SLC14A2: variants seen among roughly 807,000 people sequenced by gnomAD.
SLC14A2 encodes the protein urea transporter 2.
In SLC14A2, 91 loss-of-function variants were observed where a neutral mutation model predicts 104.6. The observed-to-expected ratio is 0.87, with a 90% CI of 0.73 to 1.04. The LOEUF (loss-of-function observed/expected upper bound fraction) is 1.04. Among genes scored for constraint, SLC14A2 ranks in the 50% least tolerant of loss-of-function variants. SLC14A2 has a pLI of 0.00. For missense variants in SLC14A2, 1,189 were observed against 1,156.0 expected (o/e 1.03, Z -0.41); for synonymous variants, 476 against 466.4 (o/e 1.02, Z -0.27).
chr18:45,305,417 G>A (rs1283448058), intron 1 of SLC14A2, among the ~76,000 whole-genome samples: 2 of 152,184 alleles, frequency 1.3e-5, no homozygotes, highest in Non-Finnish European at 2.9e-5. Flanking sequence ...CACTTAGAGT[G>A]GGACTCTACT....
chr18:45,207,961 T>G, the SLC14A2 span, among the ~76,000 whole-genome samples: 1 of 152,174 alleles, frequency 6.6e-6, no homozygotes, highest in Admixed American at 6.5e-5. Context: ...CTGATGGAAC[T>G]GCTACTCAGG....
At chr18:45,456,134 G>C (rs1456334586) in intron 1 of SLC14A2, among the ~76,000 whole-genome samples, 1 of 152,090 alleles carries the variant, frequency 6.6e-6, no homozygotes, top group Non-Finnish European at 1.5e-5. Flanking sequence ...GGTGCTGGTA[G>C]TACCTCCCTC....
Position 45,538,131 on chromosome 18 carries a change from CA to C in SLC14A2, c.-35+54811del, listed in dbSNP as rs1418092133. Among the ~76,000 whole-genome samples, 3 of 152,160 alleles carry C rather than the reference CA, an allele frequency of 2.0e-5. No individual in the cohort carries two copies. The East Asian group carries it at 5.8e-4, about 29-fold the overall frequency. On this transcript the variant is annotated intron_variant, in intron 2 of 20. Transcript: ENST00000586448. The stretch of plus-strand genomic sequence containing the variant: ...TGCCCTTCCATGCAGGTGGGACTTG[CA>C]AGGGCCTCATCTCAGAGCTGAGAAT...
At chr18:45,490,608 A>G (rs1398888512) in intron 2 of SLC14A2, among the ~76,000 whole-genome samples, 1 of 152,218 alleles carries the variant, frequency 6.6e-6, no homozygotes, top group Non-Finnish European at 1.5e-5. Context: ...TGACTATGTT[A>G]AAATTTAAGA....
At chr18:45,181,785 T>C in the SLC14A2 span, among the ~76,000 whole-genome samples, 9 of 147,296 alleles carry the variant, frequency 6.1e-5, no homozygotes, top group East Asian at 1.2e-3. Flanking sequence ...TAAAAAGAAA[T>C]TTACAGAAAA....
intron 1 of SLC14A2, among the ~76,000 whole-genome samples, chr18:45,420,274 A>T (rs903291106): frequency 3.3e-5 from 5 of 152,354 alleles, no homozygotes; most frequent in Admixed American, 3.3e-4. Context: ...AGAGTGAGTT[A>T]TTCAAGATAC....
chr18:45,657,738 C>T (rs1432388832), intron 10 of SLC14A2, among the ~76,000 whole-genome samples: 1 of 152,140 alleles, frequency 6.6e-6, no homozygotes, highest in South Asian at 2.1e-4. Flanking sequence ...TTTCTTGTGG[C>T]CTCAGTTTCC....
chr18:45,291,820 C>T (rs1384042290), intron 1 of SLC14A2, among the ~76,000 whole-genome samples: 3 of 140,536 alleles, frequency 2.1e-5, no homozygotes, highest in Non-Finnish European at 4.7e-5. Flanking sequence ...TGGGTTTCTC[C>T]GGGGGCGGTT....
At chr18:45,655,005 C>T (rs975312080) in intron 10 of SLC14A2, among the ~76,000 whole-genome samples, 7 of 152,166 alleles carry the variant, frequency 4.6e-5, no homozygotes, top group Admixed American at 2.6e-4. Flanking sequence ...GCAGCTTCCA[C>T]GGAAGATGCT....
the SLC14A2 span, among the ~76,000 whole-genome samples, chr18:45,190,562 T>A: frequency 2.9e-3 from 446 of 152,290 alleles, 3 homozygotes; most frequent in African/African-American, 0.01. Context: ...CCAAGTGGAA[T>A]TTCTGCCCCT....
intron 11 of SLC14A2, 125 bp from the exon 12 acceptor site, chr18:45,666,012 C>T: frequency 1.5e-6 from 1 of 662,636 alleles, no homozygotes; most frequent in Non-Finnish European, 2.7e-6. Context: ...TGATTCTGTG[C>T]TTCCTCAGTA....
chr18:45,495,810 G>A (rs1162316385), intron 2 of SLC14A2, among the ~76,000 whole-genome samples: 2 of 152,152 alleles, frequency 1.3e-5, no homozygotes, highest in Non-Finnish European at 2.9e-5. Flanking sequence ...TATCTGCAAC[G>A]TAGCAGCCCA....
chr18:45,310,297 C>T (rs1405162334), intron 1 of SLC14A2, among the ~76,000 whole-genome samples: 1 of 152,168 alleles, frequency 6.6e-6, no homozygotes, highest in Non-Finnish European at 1.5e-5. Context: ...ATGTTATGCC[C>T]ACCAGCAGTC....
At chr18:45,218,645 T>G (rs540653322) in intron 1 of SLC14A2, among the ~76,000 whole-genome samples, 1 of 152,208 alleles carries the variant, frequency 6.6e-6, no homozygotes, top group African/African-American at 2.4e-5. Context: ...GCTTGGACTT[T>G]TAAAAGAAAA....
chr18:45,609,557 G>A (rs2044935198), intron 2 of SLC14A2, among the ~76,000 whole-genome samples: 1 of 152,160 alleles, frequency 6.6e-6, no homozygotes, highest in Non-Finnish European at 1.5e-5. Flanking sequence ...GACTCCATGA[G>A]GGTACCACAA....
chr18:45,564,045 G>A (rs1008118985), intron 2 of SLC14A2, among the ~76,000 whole-genome samples: 4 of 152,188 alleles, frequency 2.6e-5, no homozygotes, highest in African/African-American at 9.7e-5. Context: ...TGAGTTTTAT[G>A]TTATCTCCAT....
At chr18:45,645,146 T>C (rs1293674593) in intron 10 of SLC14A2, among the ~76,000 whole-genome samples, 1 of 152,226 alleles carries the variant, frequency 6.6e-6, no homozygotes, top group African/African-American at 2.4e-5. Context: ...GTTAGTTTGC[T>C]GAGAATGATG....
chr18:45,647,183 A>G (rs970839094), intron 10 of SLC14A2: 2 of 152,230 alleles, frequency 1.3e-5, no homozygotes. Flanking sequence ...ATCTTAAATC[A>G]TCTTTCCAGT....
chr18:45,261,383 T>A (rs1599622720), intron 1 of SLC14A2, among the ~76,000 whole-genome samples: 2 of 151,830 alleles, frequency 1.3e-5, no homozygotes, highest in East Asian at 3.9e-4. Flanking sequence ...ATGGTGTATA[T>A]GTGCCACATT....
Sources: gnomAD v4.1 joint callset for allele counts (sites outside exome capture counted in the v4.1 genomes callset) on GRCh38, gnomAD v4.1.1 for gene constraint, MANE v1.5 for transcripts, NCBI Gene and HGNC (gene_info 2026-07-23, HGNC 2026-07-21) for gene names.